Variants in CPSF6 observed in about 807,000 individuals in gnomAD.
The protein encoded by CPSF6 is cleavage and polyadenylation specificity factor subunit 6.
A neutral mutation model predicts 56.7 loss-of-function variants in CPSF6; 10 were observed. The observed-to-expected ratio is 0.18, with a 90% CI of 0.11 to 0.30. The LOEUF is 0.30. CPSF6 is among the 10% of genes least tolerant of loss of function. CPSF6 has a pLI of 1.00. For missense variants in CPSF6, 419 were observed against 722.9 expected (o/e 0.58, Z 4.82); for synonymous variants, 248 against 244.8 (o/e 1.01, Z -0.12).
chr12:69,267,506 A>G (rs1420283594), intron 9 of CPSF6, among the ~76,000 whole-genome samples: 5 of 151,998 alleles, frequency 3.3e-5, no homozygotes, highest in Non-Finnish European at 7.4e-5. Context: ...ATTTTACCAA[A>G]TGATACATTG....
At chr12:69,252,285 A>G (rs569835872) in intron 2 of CPSF6, 25 of 315,406 alleles carry the variant, frequency 7.9e-5, no homozygotes, top group South Asian at 6.1e-4. Context: ...TTCTTGCTAT[A>G]TTGCTTCAGG....
rs1410502484 is a variant in CPSF6, at chr12:69,271,979, A to G, written c.*2471A>G. 6.6e-6 allele frequency: 1 copy of G among 151,696 alleles called. No homozygotes were observed. Among genetic ancestry groups the G allele is most frequent in the African/African-American group, 2.4e-5 (1 of 41,406 alleles). 9.4% of individuals were successfully genotyped at this position (151,696 alleles called of 1,614,324 possible). A position where few individuals can be genotyped will look rare whatever the true frequency, so the allele number is the denominator to read the frequency against. On this transcript the variant is annotated 3_prime_UTR_variant, in exon 10 of 10. Coordinates refer to ENST00000435070, the MANE Select transcript of CPSF6 (RefSeq NM_007007.3). Reference sequence around the variant, plus strand: ...AACGAGTTGAATTTTAAAACATAGCATTTATTAGTGCTATACAGTCACATT... The same window carrying G: ...AACGAGTTGAATTTTAAAACATAGCGTTTATTAGTGCTATACAGTCACATT...
chr12:69,257,024 T>C (rs1252431174), intron 4 of CPSF6, among the ~76,000 whole-genome samples, 182 bp downstream of exon 4: 1 of 152,216 alleles, frequency 6.6e-6, no homozygotes, highest in Admixed American at 6.5e-5. Flanking sequence ...AGAAACCTAC[T>C]CCTGTTCCAT....
At position 69,271,659 on chromosome 12, in the gene CPSF6, AT is replaced by A. The variant is rs1873249041; in HGVS notation, c.*2155del. 6.6e-6 allele frequency: 1 copy of A among 151,666 alleles called. No homozygotes were observed. Among genetic ancestry groups the A allele is most frequent in the African/African-American group, 2.4e-5 (1 of 41,388 alleles). The allele number at this position is 151,666 out of a possible 1,614,324, so 9.4% of individuals were successfully genotyped here. ...TAGATTTGTTTGCTGCTAATCCGTT[AT>A]TTTAAGTGTTGTCAGAAGGAAATAA... On this transcript the variant is annotated 3_prime_UTR_variant, in exon 10 of 10. Coordinates refer to ENST00000435070, the MANE Select transcript of CPSF6 (RefSeq NM_007007.3).
intron 4 of CPSF6, 91 bp downstream of exon 4, chr12:69,256,933 A>G: frequency 9.3e-7 from 1 of 1,073,990 alleles, no homozygotes. Context: ...TCTTAATACT[A>G]GCTCACTAGG....
chr12:69,259,447 A>G lies in CPSF6; in HGVS notation c.1219A>G (p.Thr407Ala), dbSNP rs1300180236. Residue 407 changes from threonine (T) to alanine (A), a missense_variant, in exon 7 of 10, where the codon ACG (threonine) becomes GCG (alanine). Thr to Ala is a moderately conservative substitution (Grantham distance 58). Transcript: ENST00000435070. ...TTACAGGGAAATGGATACTGCAAGAACGCCATTGAGTGAAGCTGAATTTGA... is the reference window on the plus strand; with the variant it reads ...TTACAGGGAAATGGATACTGCAAGAGCGCCATTGAGTGAAGCTGAATTTGA... ...PPGREMDTARTPLSEAEFEEI... is the reference protein window; with the variant it reads ...PPGREMDTARAPLSEAEFEEI... The G allele has an allele frequency of 6.2e-7, 1 of 1,613,100 alleles. No individual in the cohort carries two copies. Among genetic ancestry groups the G allele is most frequent in the Non-Finnish European group, 8.5e-7 (1 of 1,179,660 alleles).
At chr12:69,252,549 T>C (rs1357509221) in intron 2 of CPSF6, among the ~76,000 whole-genome samples, 2 of 152,216 alleles carry the variant, frequency 1.3e-5, no homozygotes, top group Non-Finnish European at 2.9e-5. Flanking sequence ...TAAAGCTCTT[T>C]AACTTCTATT....
Position 69,270,714 on chromosome 12 carries a change from A to T in CPSF6, c.*1206A>T, listed in dbSNP as rs117124935. On this transcript the variant is annotated 3_prime_UTR_variant, in exon 10 of 10. Coordinates refer to ENST00000435070, the MANE Select transcript of CPSF6 (RefSeq NM_007007.3). ...ATTCATGCTATAGTTACTTAATCAA[A>T]GATTTTTTTCAAACCTGCCTTACAT... 1.3e-5 allele frequency: 2 copies of T among 151,858 alleles called. No homozygotes were observed. Among genetic ancestry groups the T allele is most frequent in the East Asian group, 3.9e-4 (2 of 5,186 alleles). The allele number at this position is 151,858 out of a possible 1,614,324, so 9.4% of individuals were successfully genotyped here. A position where few individuals can be genotyped will look rare whatever the true frequency, so the allele number is the denominator to read the frequency against.
In CPSF6 at chr12:69,272,489, A is replaced by G. The variant is rs1013218697; in HGVS notation, c.*2981A>G. 4 of 151,754 alleles carry G rather than the reference A, an allele frequency of 2.6e-5. No homozygotes were observed. The highest frequency in any genetic ancestry group is 1.9e-4 in the East Asian group (1 of 5,204). 9.4% of individuals were successfully genotyped at this position (151,754 alleles called of 1,614,324 possible). On this transcript the variant is annotated 3_prime_UTR_variant, in exon 10 of 10. Coordinates refer to ENST00000435070, the MANE Select transcript of CPSF6 (RefSeq NM_007007.3). ...TATTTAACTGTGCCAATCTAAATAC[A>G]TACTGTTTTATACAATGAGATGCAT...
Position 69,274,094 on chromosome 12 carries a change from AATTG to A in CPSF6, c.*4589_*4592del, listed in dbSNP as rs1190762524. On this transcript the variant is annotated 3_prime_UTR_variant, in exon 10 of 10. Transcript: ENST00000435070. Reference sequence around the variant, plus strand: ...TTTCTGTGCAAAAAGGTAAGGTGATAATTGATCTAATAGACTTTTTTTTTTTTTT... The same window carrying A: ...TTTCTGTGCAAAAAGGTAAGGTGATAATCTAATAGACTTTTTTTTTTTTTT... 7.0e-6 allele frequency: 1 copy of A among 142,812 alleles called. No homozygotes were observed. The highest frequency in any genetic ancestry group is 1.5e-5 in the Non-Finnish European group (1 of 66,292). 8.8% of individuals were successfully genotyped at this position (142,812 alleles called of 1,614,324 possible). A position where few individuals can be genotyped will look rare whatever the true frequency, so the allele number is the denominator to read the frequency against.
At chr12:69,265,467 T>A (rs543490775) in intron 9 of CPSF6, among the ~76,000 whole-genome samples, 1 of 152,314 alleles carries the variant, frequency 6.6e-6, no homozygotes, top group African/African-American at 2.4e-5. Flanking sequence ...TATGTTTTTT[T>A]AAAATACTCT....
intron 8 of CPSF6, 119 bp from the exon 9 acceptor site, chr12:69,262,254 A>C: frequency 8.0e-7 from 1 of 1,251,192 alleles, no homozygotes; most frequent in Non-Finnish European, 1.1e-6. Flanking sequence ...CAGGATAGTA[A>C]GTTTAAACCA....
chr12:69,247,940 G>A (rs1872002040), intron 1 of CPSF6, among the ~76,000 whole-genome samples: 1 of 152,200 alleles, frequency 6.6e-6, no homozygotes. Context: ...CTGTGGCCTT[G>A]GAACAGAGAG....
At position 69,239,710 on chromosome 12, in the gene CPSF6, C is replaced by A; in HGVS notation, c.60+4C>A. On this transcript the variant is annotated splice_donor_region_variant and intron_variant, in intron 1 of 9. Coordinates refer to ENST00000435070, the MANE Select transcript of CPSF6 (RefSeq NM_007007.3). ...TGTCGGCGAAGAGTTCAACCAGGTA[C>A]GTGAGAGCCCAGGTCCCCGCCGCCG... 3 of 1,579,294 alleles carry A rather than the reference C, an allele frequency of 1.9e-6. No individual in the cohort carries two copies. The highest frequency in any genetic ancestry group is 1.7e-6 in the Non-Finnish European group (2 of 1,163,748).
chr12:69,256,943 G>A (rs1238315717), intron 4 of CPSF6, 101 bp downstream of exon 4: 3 of 986,034 alleles, frequency 3.0e-6, no homozygotes, highest in Middle Eastern at 2.3e-4. Context: ...AGCTCACTAG[G>A]AACTCCATTT....
At chr12:69,253,271 A>C in intron 3 of CPSF6, 117 bp downstream of exon 3, 1 of 507,340 alleles carries the variant, frequency 2.0e-6, no homozygotes, top group Non-Finnish European at 3.5e-6. Context: ...CAAACAACAC[A>C]TGATTGTTTA....
chr12:69,248,464 C>T (rs1436292005), intron 1 of CPSF6, among the ~76,000 whole-genome samples: 1 of 152,154 alleles, frequency 6.6e-6, no homozygotes, highest in African/African-American at 2.4e-5. Context: ...CCCAACACCC[C>T]TTGTGGGAAA....
chr12:69,241,357 T>G (rs1198640488), intron 1 of CPSF6, among the ~76,000 whole-genome samples: 4 of 152,232 alleles, frequency 2.6e-5, no homozygotes, highest in African/African-American at 9.6e-5. Context: ...AGGAAATTTT[T>G]TTCCTTTTAT....
chr12:69,242,762 T>C (rs536109330), intron 1 of CPSF6, among the ~76,000 whole-genome samples: 2 of 152,346 alleles, frequency 1.3e-5, no homozygotes, highest in Admixed American at 6.5e-5. Context: ...ACTAGCCCAA[T>C]ATTTAGTAAT....
Sources: allele counts gnomAD v4.1 joint callset (sites outside exome capture counted in the v4.1 genomes callset), GRCh38; gene constraint gnomAD v4.1.1; transcripts MANE v1.5; gene names NCBI Gene and HGNC (gene_info 2026-07-23, HGNC 2026-07-21).